Variants in RAB3C observed in about 807,000 individuals in gnomAD.
RAB3C encodes ras-related protein Rab-3C.
In RAB3C, 17 loss-of-function variants were observed where a neutral mutation model predicts 26.4. The ratio of observed to expected loss-of-function variants is 0.64; its 90% confidence interval spans 0.44 to 0.97. The LOEUF (loss-of-function observed/expected upper bound fraction) is 0.97, where lower values mean the gene tolerates loss of function less well. Among genes scored for constraint, RAB3C ranks in the 50% least tolerant of loss-of-function variants. The probability of loss-of-function intolerance (pLI) is 0.00; values close to 1 mark genes in which losing one functional copy is unlikely to be tolerated. For synonymous variants in RAB3C, 91 were observed against 95.9 expected (o/e 0.95, Z 0.30); for missense variants, 242 against 281.9 (o/e 0.86, Z 1.01).
chr5:58,583,307 G>A, intron 1 of RAB3C, 75 bp downstream of exon 1: 1 of 1,604,350 alleles, frequency 6.2e-7, no homozygotes, highest in East Asian at 2.2e-5. Flanking sequence ...CGCACAAGCA[G>A]TTCAACGTAA....
At chr5:58,824,962 G>A in intron 3 of RAB3C, 76 bp from the exon 4 acceptor site, 1 of 991,670 alleles carries the variant, frequency 1.0e-6, no homozygotes, top group East Asian at 2.6e-5. Context: ...ATCATCTGTG[G>A]AATGTATTTC....
chr5:58,839,220 A>G (rs543085721), intron 4 of RAB3C, among the ~76,000 whole-genome samples: 2 of 151,808 alleles, frequency 1.3e-5, no homozygotes, highest in South Asian at 4.2e-4. Flanking sequence ...TTATTATTTC[A>G]TAGGTGAGGA....
chr5:58,596,137 T>C (rs1030439626), intron 1 of RAB3C, among the ~76,000 whole-genome samples: 1 of 152,026 alleles, frequency 6.6e-6, no homozygotes, highest in Non-Finnish European at 1.5e-5. Context: ...GCACTGAAAG[T>C]TCTGCTGTGT....
At chr5:58,618,846 T>C (rs1746877271) in intron 2 of RAB3C, among the ~76,000 whole-genome samples, 1 of 152,206 alleles carries the variant, frequency 6.6e-6, no homozygotes, top group Non-Finnish European at 1.5e-5. Flanking sequence ...AGGTGTTTTC[T>C]AGCTCCTTCT....
At position 58,857,454 on chromosome 5, in the gene RAB3C, G is replaced by A. The variant is rs948584166; in HGVS notation, c.*6103G>A. The A allele has an allele frequency of 4.6e-5, 7 of 152,070 alleles. No individual in the cohort carries two copies. Among genetic ancestry groups the A allele is most frequent in the African/African-American group, 1.7e-4 (7 of 41,432 alleles). 9.4% of individuals were successfully genotyped at this position (152,070 alleles called of 1,614,324 possible). On this transcript the variant is annotated 3_prime_UTR_variant, in exon 5 of 5. Transcript: ENST00000282878. ...TTTTCTTTAAGTGTCATATAAAAGT[G>A]TACATTTTACTTTTAAGCAACTAAT...
intron 1 of RAB3C, among the ~76,000 whole-genome samples, chr5:58,598,238 T>C (rs7720297): frequency 0.13 from 11,890 of 88,420 alleles, 1,766 homozygotes; most frequent in East Asian, 0.43. Flanking sequence ...TATAAGTATA[T>C]GATAATATGT....
chr5:58,584,808 G>A (rs974254551), intron 1 of RAB3C, among the ~76,000 whole-genome samples: 1 of 148,554 alleles, frequency 6.7e-6, no homozygotes, highest in Non-Finnish European at 1.5e-5. Context: ...AATAAATTAC[G>A]AAAAATTTAA....
At chr5:58,699,447 G>A (rs1469170848) in intron 2 of RAB3C, among the ~76,000 whole-genome samples, 2 of 152,216 alleles carry the variant, frequency 1.3e-5, no homozygotes, top group Admixed American at 6.5e-5. Flanking sequence ...GAAGCAGTCT[G>A]TCTATTCTTA....
chr5:58,706,542 C>CT (rs1405976568), intron 2 of RAB3C, among the ~76,000 whole-genome samples: 1 of 152,152 alleles, frequency 6.6e-6, no homozygotes, highest in African/African-American at 2.4e-5. Context: ...TAAAGTATCT[C>CT]TAACATTCGA....
At position 58,690,937 on chromosome 5, in the gene RAB3C, G is replaced by T. The variant is rs550781440; in HGVS notation, c.253-35065G>T. On this transcript the variant is annotated intron_variant, in intron 2 of 4. Coordinates refer to ENST00000282878, the MANE Select transcript of RAB3C (RefSeq NM_138453.4). ...ACCACATTTAAAAAGTATAGCAATT[G>T]ATCATAAGATAAGAGGCTATCATTG... Among the ~76,000 whole-genome samples, 20 of 152,146 alleles carry T rather than the reference G, an allele frequency of 1.3e-4. No homozygotes were observed. In the East Asian group the frequency reaches 3.3e-3, roughly 25 times the overall value.
chr5:58,780,528 C>A (rs1742248399), intron 3 of RAB3C, among the ~76,000 whole-genome samples: 1 of 152,010 alleles, frequency 6.6e-6, no homozygotes, highest in Admixed American at 6.6e-5. Context: ...GTCTTTGTCC[C>A]CAAATCATCT....
At position 58,854,940 on chromosome 5, in the gene RAB3C, T is replaced by C. The variant is rs1579955393; in HGVS notation, c.*3589T>C. On this transcript the variant is annotated 3_prime_UTR_variant, in exon 5 of 5. Transcript: ENST00000282878. Reference sequence around the variant, plus strand: ...TTTTTTAAGGAACCAATTTAAACTTTCAATTTTAAATACATCTATGCTGAC... The same window carrying C: ...TTTTTTAAGGAACCAATTTAAACTTCCAATTTTAAATACATCTATGCTGAC... 2 of 152,308 alleles carry C rather than the reference T, an allele frequency of 1.3e-5. No homozygotes were observed. Among genetic ancestry groups the C allele is most frequent in the Admixed American group, 1.3e-4 (2 of 15,286 alleles). 9.4% of individuals were successfully genotyped at this position (152,308 alleles called of 1,614,324 possible). A position where few individuals can be genotyped will look rare whatever the true frequency, so the allele number is the denominator to read the frequency against.
chr5:58,610,772 A>G (rs1746682549), intron 1 of RAB3C, among the ~76,000 whole-genome samples: 2 of 151,942 alleles, frequency 1.3e-5, no homozygotes, highest in African/African-American at 4.8e-5. Context: ...TTTAACTTTT[A>G]AGTTTAGGGG....
In RAB3C at chr5:58,780,610, T is replaced by G. The variant is rs1007853511; in HGVS notation, c.372-44428T>G. On this transcript the variant is annotated intron_variant, in intron 3 of 4. Coordinates refer to ENST00000282878, the MANE Select transcript of RAB3C (RefSeq NM_138453.4). ...TTTTGTCATTTGCTTATGCACTGGCTCCAGGTATTACCTTATGAACTGAGT... is the reference window on the plus strand; with the variant it reads ...TTTTGTCATTTGCTTATGCACTGGCGCCAGGTATTACCTTATGAACTGAGT... Among the ~76,000 whole-genome samples, 5 of 152,114 alleles carry G rather than the reference T, an allele frequency of 3.3e-5. No homozygotes were observed. The East Asian group carries it at 9.7e-4, about 29-fold the overall frequency.
At chr5:58,698,067 T>A (rs1748757508) in intron 2 of RAB3C, among the ~76,000 whole-genome samples, 1 of 152,148 alleles carries the variant, frequency 6.6e-6, no homozygotes, top group Non-Finnish European at 1.5e-5. Context: ...ACCAGTTGTT[T>A]CCTTCCATGT....
chr5:58,650,324 A>G (rs437788), intron 2 of RAB3C, among the ~76,000 whole-genome samples: 21,973 of 152,192 alleles, frequency 0.14, 1,960 homozygotes, highest in Middle Eastern at 0.24. Flanking sequence ...ATCAGAGTCT[A>G]TGAAGAAGGA....
chr5:58,840,466 C>A lies in RAB3C; in HGVS notation c.497-10698C>A, dbSNP rs536812993. 9.2e-4 allele frequency among the ~76,000 whole-genome samples: 140 copies of A among 152,278 alleles called. 1 individual carries two copies. The highest frequency in any genetic ancestry group is 3.2e-3 in the African/African-American group (134 of 41,576). ...TGAATTCTTTTTCTGGGATTTCACA[C>A]ATTTTCTTATCATTGAGGTCTGTTA... On this transcript the variant is annotated intron_variant, in intron 4 of 4. Transcript: ENST00000282878.
intron 2 of RAB3C, among the ~76,000 whole-genome samples, chr5:58,721,804 A>G (rs949184389): frequency 7.2e-5 from 11 of 151,824 alleles, no homozygotes; most frequent in African/African-American, 2.2e-4. Flanking sequence ...TACTTAGTGC[A>G]ATTTCTTATT....
intron 2 of RAB3C, among the ~76,000 whole-genome samples, chr5:58,649,366 A>G (rs1747594881): frequency 6.6e-6 from 1 of 151,878 alleles, no homozygotes; most frequent in Admixed American, 6.6e-5. Context: ...CCATTTTCCA[A>G]ACTCACTGGC....
Sources: gnomAD v4.1 joint callset for allele counts (sites outside exome capture counted in the v4.1 genomes callset) on GRCh38, gnomAD v4.1.1 for gene constraint, MANE v1.5 for transcripts, NCBI Gene and HGNC (gene_info 2026-07-23, HGNC 2026-07-21) for gene names.